DPP6: variants seen among roughly 807,000 people sequenced by gnomAD.
DPP6 encodes A-type potassium channel modulatory protein DPP6.
A neutral mutation model predicts 122.6 loss-of-function variants in DPP6; 69 were observed. The observed-to-expected ratio is 0.56, with a 90% CI of 0.46 to 0.69. DPP6 has a LOEUF of 0.69. Among genes scored for constraint, DPP6 ranks in the 30% least tolerant of loss-of-function variants. The pLI is 0.00. For synonymous variants in DPP6, 418 were observed against 433.1 expected, an observed-to-expected ratio of 0.97 and a Z score of 0.43; for missense variants, 928 against 1,116.9, an observed-to-expected ratio of 0.83 and a Z score of 2.41.
the DPP6 span, among the ~76,000 whole-genome samples, chr7:153,831,894 G>A: frequency 2.0e-5 from 3 of 152,182 alleles, no homozygotes; most frequent in African/African-American, 7.2e-5. Context: ...TGTTCTAAGA[G>A]AATTGCAAGC....
rs1021833187 is a variant in DPP6, at chr7:154,755,312, G to A, written c.884-14105G>A. On this transcript the variant is annotated intron_variant, in intron 8 of 25. Coordinates refer to ENST00000377770, the MANE Select transcript of DPP6 (RefSeq NM_130797.4). The surrounding 1 kb of genome is among the most constrained non-coding windows in gnomAD (Gnocchi z 4.7). ...TTTTGAGACCCGGACATCCCCAGCA[G>A]CCCAGCATGCACAGGCTCAGAGCCC... Among the ~76,000 whole-genome samples, 2 of 152,074 alleles carry A rather than the reference G, an allele frequency of 1.3e-5. No individual in the cohort carries two copies. The highest frequency in any genetic ancestry group is 2.4e-5 in the African/African-American group (1 of 41,392).
At chr7:153,808,021 C>T in the DPP6 span, among the ~76,000 whole-genome samples, 4 of 152,046 alleles carry the variant, frequency 2.6e-5, no homozygotes, top group African/African-American at 7.3e-5. Flanking sequence ...GAACAGGCTT[C>T]CCACTGGCTC....
At chr7:154,604,254 C>A (rs187280801) in intron 5 of DPP6, among the ~76,000 whole-genome samples, 3 of 119,616 alleles carry the variant, frequency 2.5e-5, no homozygotes. Flanking sequence ...ATGCACGATC[C>A]TTTTCTCGTC....
intron 1 of DPP6, among the ~76,000 whole-genome samples, chr7:154,212,548 C>T (rs184391610): frequency 4.6e-5 from 7 of 152,206 alleles, no homozygotes; most frequent in African/African-American, 9.6e-5. Flanking sequence ...AATGTATGGA[C>T]GTGTGATGCC....
rs77306823 is a variant in DPP6 at position 154,801,337 on chromosome 7, C to T, written c.1300-18C>T. 59 of 1,567,178 alleles carry T rather than the reference C, an allele frequency of 3.8e-5. No individual in the cohort carries two copies. Among genetic ancestry groups the T allele is most frequent in the Admixed American group, 1.5e-4 (8 of 53,378 alleles). ...ATGATGTTTTAGTTGTGGTTTCATC[C>T]GTGGCCTTTGTCCACAGAATGAAGA... On this transcript the variant is annotated intron_variant, in intron 12 of 25. Coordinates refer to ENST00000377770, the MANE Select transcript of DPP6 (RefSeq NM_130797.4).
chr7:153,953,041 G>A (rs1253252240), intron 1 of DPP6, among the ~76,000 whole-genome samples: 4 of 152,142 alleles, frequency 2.6e-5, no homozygotes, highest in African/African-American at 9.7e-5. Context: ...GGGAGGAAGG[G>A]AGATAAATAC....
At chr7:154,353,618 A>G (rs1401970353) in intron 1 of DPP6, among the ~76,000 whole-genome samples, 1 of 152,148 alleles carries the variant, frequency 6.6e-6, no homozygotes, top group Non-Finnish European at 1.5e-5. Flanking sequence ...AATGTAAAAG[A>G]CAAAAACATA....
chr7:154,871,785 G>T (rs1804421031), intron 18 of DPP6, among the ~76,000 whole-genome samples: 3 of 152,236 alleles, frequency 2.0e-5, no homozygotes, highest in African/African-American at 7.2e-5. Context: ...TGTAGTAATT[G>T]TATTGAAAAG....
chr7:153,808,795 G>T, the DPP6 span, among the ~76,000 whole-genome samples: 91 of 152,064 alleles, frequency 6.0e-4, 1 homozygote, highest in African/African-American at 2.1e-3. Flanking sequence ...TCTATCAATG[G>T]ATTCTTAAGT....
rs1360865453 is a variant in DPP6, at chr7:154,486,196, C to T, written c.457+11159C>T. Among the ~76,000 whole-genome samples, 6 of 151,702 alleles carry T rather than the reference C, an allele frequency of 4.0e-5. No individual in the cohort carries two copies. Among genetic ancestry groups the T allele is most frequent in the South Asian group, 4.2e-4 (2 of 4,790 alleles). On this transcript the variant is annotated intron_variant, in intron 3 of 25. Coordinates refer to ENST00000377770, the MANE Select transcript of DPP6 (RefSeq NM_130797.4). The surrounding 1 kb of genome is among the most constrained non-coding windows in gnomAD (Gnocchi z 4.5). ...TCGCCCAGGCTGGAGTGCAGTGGCA[C>T]GATCTCAGCTCACTGCAACCTCCGC...
chr7:154,020,477 C>A (rs1165195323), intron 1 of DPP6, among the ~76,000 whole-genome samples: 1 of 151,832 alleles, frequency 6.6e-6, no homozygotes, highest in Non-Finnish European at 1.5e-5. Flanking sequence ...AGCCTAGAGT[C>A]TCAGGTAGTT....
At chr7:154,629,906 C>T (rs1217653520) in intron 5 of DPP6, among the ~76,000 whole-genome samples, 4 of 152,166 alleles carry the variant, frequency 2.6e-5, no homozygotes, top group African/African-American at 4.8e-5. Context: ...AATGGGATTC[C>T]GGTTTGCCAA....
chr7:153,955,182 G>A (rs1390874967), intron 1 of DPP6, among the ~76,000 whole-genome samples: 1 of 152,128 alleles, frequency 6.6e-6, no homozygotes, highest in African/African-American at 2.4e-5. Context: ...GAAAACAAGG[G>A]GTAGATTAAT....
At chr7:154,653,905 C>T (rs924190541) in intron 6 of DPP6, among the ~76,000 whole-genome samples, 2 of 152,006 alleles carry the variant, frequency 1.3e-5, no homozygotes, top group Non-Finnish European at 1.5e-5. Flanking sequence ...GTGTTTACTA[C>T]GGTCAGCCCT....
the DPP6 span, among the ~76,000 whole-genome samples, chr7:153,805,658 G>A: frequency 1.3e-5 from 2 of 152,128 alleles, no homozygotes; most frequent in African/African-American, 4.8e-5. Flanking sequence ...ATGCACCATG[G>A]AATACTATGC....
intron 1 of DPP6, among the ~76,000 whole-genome samples, chr7:153,989,996 C>T (rs1797079052): frequency 7.4e-6 from 1 of 134,512 alleles, no homozygotes; most frequent in African/African-American, 2.8e-5. Flanking sequence ...CCCCTGCCAG[C>T]CTTGCCCTCA....
rs189032168 is a variant in DPP6 at position 154,498,391 on chromosome 7, C to T, written c.457+23354C>T. On this transcript the variant is annotated intron_variant, in intron 3 of 25. Transcript: ENST00000377770. ...TCTCGCTCTCTCACCTAGGCTGGAG[C>T]GCAGTGGCATGATCTCGGGTTACTG... Among the ~76,000 whole-genome samples, 71 of 152,174 alleles carry T rather than the reference C, an allele frequency of 4.7e-4. 1 individual carries two copies. Among genetic ancestry groups the T allele is most frequent in the Admixed American group, 2.9e-3 (45 of 15,292 alleles).
chr7:154,883,597 CACACAT>C (rs1805690491), intron 21 of DPP6: 1 of 148,904 alleles, frequency 6.7e-6, no homozygotes. Flanking sequence ...CCTGCTCACA[CACACAT>C]GCTCACCCAT....
chr7:154,887,576 C>T, intron 22 of DPP6, 100 bp from the exon 23 acceptor site: 1 of 1,209,070 alleles, frequency 8.3e-7, no homozygotes, highest in Non-Finnish European at 1.2e-6. Flanking sequence ...AGCCTGAGTC[C>T]TCACCCCGCA....
Sources: allele counts gnomAD v4.1 joint callset (sites outside exome capture counted in the v4.1 genomes callset), GRCh38; gene constraint gnomAD v4.1.1; non-coding constraint Gnocchi (gnomAD v3.1); transcripts MANE v1.5; gene names NCBI Gene and HGNC (gene_info 2026-07-23, HGNC 2026-07-21).